Variants in ZNF800 observed in about 807,000 individuals in gnomAD.
ZNF800 encodes zinc finger protein 800.
ZNF800 carries 13 observed loss-of-function variants against 59.5 expected under a neutral mutation model. The observed-to-expected ratio is 0.22, with a 90% CI of 0.14 to 0.35. The LOEUF (loss-of-function observed/expected upper bound fraction) is 0.35, where lower values mean the gene tolerates loss of function less well. Ranked by LOEUF, ZNF800 falls within the 10% of genes least tolerant of loss-of-function variation. The pLI is 1.00. For synonymous variants in ZNF800, 266 were observed against 265.7 expected, an observed-to-expected ratio of 1.00 and a Z score of -0.01; for missense variants, 621 against 783.7, an observed-to-expected ratio of 0.79 and a Z score of 2.48.
At position 127,373,414 on chromosome 7, in the gene ZNF800, T is replaced by C. The variant is rs867664985; in HGVS notation, c.1922A>G (p.Lys641Arg). The C allele has an allele frequency of 1.9e-6, 3 of 1,613,994 alleles. No individual in the cohort carries two copies. Among genetic ancestry groups the C allele is most frequent in the African/African-American group, 1.3e-5 (1 of 75,030 alleles). The change falls in exon 5 of 6, where the codon AAG (lysine) becomes AGG (arginine). Residue 641 changes from lysine to arginine, a missense_variant. By Grantham distance (26) the Lys-to-Arg change is conservative. Coordinates refer to ENST00000265827, the MANE Select transcript of ZNF800 (RefSeq NM_176814.5). The part of the protein sequence containing the change: ...TYLEHHKKTH[K>R]ANASNSPEGN... Reference sequence around the variant, plus strand: ...TTCAGGTGAATTGGAAGCATTTGCCTTATGAGTTTTCTTATGATGTTCAAG... The same window carrying C: ...TTCAGGTGAATTGGAAGCATTTGCCCTATGAGTTTTCTTATGATGTTCAAG...
intron 4 of ZNF800, 66 bp from the exon 5 acceptor site, chr7:127,375,100 A>T: frequency 7.6e-7 from 1 of 1,324,488 alleles, no homozygotes; most frequent in Non-Finnish European, 1.0e-6. Flanking sequence ...TAATATTTTA[A>T]GATATATTAT....
intron 1 of ZNF800, among the ~76,000 whole-genome samples, chr7:127,355,464 G>A (rs1390354495): frequency 6.6e-6 from 1 of 152,022 alleles, no homozygotes; most frequent in African/African-American, 2.4e-5. Context: ...AAGGATAGAA[G>A]TGAAAAATAA....
At chr7:127,361,240 A>G (rs1264810928) in intron 1 of ZNF800, 1 of 152,120 alleles carries the variant, frequency 6.6e-6, no homozygotes, top group African/African-American at 2.4e-5. Context: ...AGGACATTCC[A>G]AGCTGAGGCC....
At chr7:127,378,512 G>A (rs1200451887) in intron 3 of ZNF800, among the ~76,000 whole-genome samples, 25 of 152,034 alleles carry the variant, frequency 1.6e-4, no homozygotes, top group Admixed American at 1.6e-3. Context: ...AAAGTGTTGT[G>A]TCATTTAAGA....
At position 127,374,183 on chromosome 7, in the gene ZNF800, T is replaced by C. The variant is rs761881374; in HGVS notation, c.1153A>G (p.Thr385Ala). ...KRHMQIVHKITLSGTNSKREK... is the reference protein window; with the variant it reads ...KRHMQIVHKIALSGTNSKREK... ...CTTTTAGAGTTTGTTCCAGAAAGAG[T>C]TATCTTGTGGACAATTTGCATATGT... Residue 385 changes from threonine to alanine, a missense_variant, in exon 5 of 6, where the codon ACT (threonine) becomes GCT (alanine). Transcript: ENST00000265827. The C allele has an allele frequency of 7.4e-6, 12 of 1,614,038 alleles. No individual in the cohort carries two copies. The highest frequency in any genetic ancestry group is 1.0e-5 in the Non-Finnish European group (12 of 1,179,994).
At chr7:127,379,207 C>A (rs566499906) in intron 3 of ZNF800, among the ~76,000 whole-genome samples, 1 of 152,094 alleles carries the variant, frequency 6.6e-6, no homozygotes, top group South Asian at 2.1e-4. Flanking sequence ...ATCTTGGCAA[C>A]GGACTGCTAA....
At chr7:127,387,549 G>A (rs1434017893) in intron 2 of ZNF800, among the ~76,000 whole-genome samples, 1 of 152,164 alleles carries the variant, frequency 6.6e-6, no homozygotes, top group Non-Finnish European at 1.5e-5. Flanking sequence ...ATTTCATTAA[G>A]CAAAATTTCC....
chr7:127,365,360 G>C (rs1800483561), downstream of ZNF800, among the ~76,000 whole-genome samples: 1 of 152,104 alleles, frequency 6.6e-6, no homozygotes, highest in Non-Finnish European at 1.5e-5. Flanking sequence ...ACCCAAGACA[G>C]ACTGTTGACT....
chr7:127,367,268 A>C (rs1800530138), downstream of ZNF800, among the ~76,000 whole-genome samples: 1 of 152,138 alleles, frequency 6.6e-6, no homozygotes, highest in Non-Finnish European at 1.5e-5. Flanking sequence ...TCTTCTAATA[A>C]AACTCTCCTT....
At chr7:127,383,874 C>T (rs1448491596) in intron 3 of ZNF800, among the ~76,000 whole-genome samples, 1 of 151,746 alleles carries the variant, frequency 6.6e-6, no homozygotes, top group Admixed American at 6.6e-5. Context: ...TCAGAATTTG[C>T]CTAAATAAAA....
rs749924711 is a variant in ZNF800, at chr7:127,373,444, G to C, written c.1892C>G (p.Thr631Ser). The change falls in exon 5 of 6, where the codon ACT (threonine) becomes AGT (serine). Residue 631 changes from threonine to serine, a missense_variant. Around this residue, in one of 7 missense-constraint regions of ZNF800, gnomAD observed 94 missense variants for 108.5 expected, o/e 0.87. Coordinates refer to ENST00000265827, the MANE Select transcript of ZNF800 (RefSeq NM_176814.5). ...AGTTTTCTTATGATGTTCAAGGTAA[G>C]TCTTTTTGGCAAATGCCTTTCCACA... is the stretch of plus-strand genomic sequence containing the variant. Reference protein sequence around the residue: ...NKCGKAFAKKTYLEHHKKTHK... With the variant: ...NKCGKAFAKKSYLEHHKKTHK... The C allele has an allele frequency of 6.2e-7, 1 of 1,614,108 alleles. No individual in the cohort carries two copies. The highest frequency in any genetic ancestry group is 8.5e-7 in the Non-Finnish European group (1 of 1,179,988).
chr7:127,374,977 A>G lies in ZNF800; in HGVS notation c.359T>C (p.Ile120Thr), dbSNP rs1003013960. Residue 120 changes from isoleucine (I) to threonine (T), a missense_variant, in exon 5 of 6, where the codon ATA becomes ACA. Ile to Thr is a moderately conservative substitution (Grantham distance 89). This residue lies in a region of ZNF800 where 218 missense variants were observed against 230.8 expected (regional missense o/e 0.94). Transcript: ENST00000265827. ...SQAINDLLEAIYPSVDKREYI... is the reference protein window; with the variant it reads ...SQAINDLLEATYPSVDKREYI... ...TTCTCGTTTGTCCACACTTGGATATATGGCTTCTAGGAGATCATTTATGGC... is the reference window on the plus strand; with the variant it reads ...TTCTCGTTTGTCCACACTTGGATATGTGGCTTCTAGGAGATCATTTATGGC... 3.7e-6 allele frequency: 6 copies of G among 1,611,354 alleles called. 1 individual carries two copies. Among genetic ancestry groups the G allele is most frequent in the South Asian group, 3.3e-5 (3 of 90,788 alleles).
At chr7:127,352,872 T>C (rs754659182) in intron 1 of ZNF800, among the ~76,000 whole-genome samples, 1 of 148,314 alleles carries the variant, frequency 6.7e-6, no homozygotes, top group Non-Finnish European at 1.5e-5. Context: ...CTGTCCACCT[T>C]CTTTAAACAG....
At chr7:127,389,973 G>A (rs1050645345) in intron 2 of ZNF800, among the ~76,000 whole-genome samples, 2 of 152,070 alleles carry the variant, frequency 1.3e-5, no homozygotes, top group Non-Finnish European at 2.9e-5. Context: ...ACTTCTTTAT[G>A]TTTATCTCTT....
intron 1 of ZNF800, among the ~76,000 whole-genome samples, chr7:127,357,589 C>T (rs192433199): frequency 4.6e-4 from 70 of 152,130 alleles, no homozygotes; most frequent in African/African-American, 1.5e-3. Context: ...CAGATCAAAG[C>T]TATGGGACTC....
At chr7:127,343,632 G>C (rs1411682539), downstream of ZNF800, among the ~76,000 whole-genome samples, 1 of 151,906 alleles carries the variant, frequency 6.6e-6, no homozygotes, top group South Asian at 2.1e-4. Context: ...CATATGCTAT[G>C]TACCAATCTA....
chr7:127,390,816 A>G (rs999996040), intron 2 of ZNF800, among the ~76,000 whole-genome samples: 33 of 150,502 alleles, frequency 2.2e-4, no homozygotes, highest in Non-Finnish European at 1.5e-5. Flanking sequence ...AAGTTTATCA[A>G]ATTAAAGTTT....
chr7:127,366,445 T>C (rs1019088210), downstream of ZNF800, among the ~76,000 whole-genome samples: 7 of 152,136 alleles, frequency 4.6e-5, no homozygotes, highest in African/African-American at 1.7e-4. Context: ...ATGTAATGGC[T>C]CTTTCTGAGG....
intron 5 of ZNF800, among the ~76,000 whole-genome samples, chr7:127,372,433 T>C (rs1233784727): frequency 3.4e-5 from 5 of 149,020 alleles, no homozygotes; most frequent in Non-Finnish European, 7.4e-5. Flanking sequence ...TGAGCCGAGA[T>C]TGCACCACTG....
Sources: gnomAD v4.1 joint callset for allele counts (sites outside exome capture counted in the v4.1 genomes callset) on GRCh38, gnomAD v4.1.1 for gene constraint, gnomAD v4.1.1 regional missense constraint, MANE v1.5 for transcripts, NCBI Gene and HGNC (gene_info 2026-07-23, HGNC 2026-07-21) for gene names.